The following IQSEC1 variants were observed in gnomAD, a reference collection of about 807,000 sequenced individuals.
IQSEC1 encodes IQ motif and Sec7 domain ArfGEF 1.
Under a neutral mutation model 91.0 loss-of-function variants are expected in IQSEC1, and 31 were observed. The ratio of observed to expected loss-of-function variants is 0.34; its 90% CI spans 0.26 to 0.46. IQSEC1 has a LOEUF of 0.46. IQSEC1 is among the 20% of genes least tolerant of loss of function. The pLI, the probability that IQSEC1 is intolerant of heterozygous loss-of-function variation, is 1.00. For missense variants in IQSEC1, 1,388 were observed against 1,575.6 expected (o/e 0.88, Z 2.02); for synonymous variants, 699 against 662.6 (o/e 1.05, Z -0.84).
At chr3:13,107,755 C>T (rs1157513707) in intron 2 of IQSEC1, among the ~76,000 whole-genome samples, 2 of 152,260 alleles carry the variant, frequency 1.3e-5, no homozygotes, top group African/African-American at 2.4e-5. Context: ...GCCCCTGGGC[C>T]GCTGGGTCTC....
chr3:13,071,560 G>A (rs569023080), intron 1 of IQSEC1, among the ~76,000 whole-genome samples: 7 of 152,304 alleles, frequency 4.6e-5, no homozygotes, highest in Non-Finnish European at 8.8e-5. Context: ...TCCACGCTGG[G>A]AAAGGATTTA....
Position 12,908,238 on chromosome 3 carries a change from A to C in IQSEC1, c.2755+111T>G, listed in dbSNP as rs575008786. Reference sequence around the variant, plus strand: ...TGCGGAAGGTCAGGGGAAATGCCGCACTGGCTTCGCCGCAGGCCCTGCCCC... The same window carrying C: ...TGCGGAAGGTCAGGGGAAATGCCGCCCTGGCTTCGCCGCAGGCCCTGCCCC... On this transcript the variant is annotated intron_variant, in intron 12 of 13. Coordinates refer to ENST00000613206, the MANE Select transcript of IQSEC1 (RefSeq NM_001134382.3). The surrounding 1 kb of genome is among the most constrained non-coding windows in gnomAD (Gnocchi z 4.9). The C allele has an allele frequency of 3.4e-5, 39 of 1,154,286 alleles. No homozygotes were observed. In the Admixed American group the frequency reaches 7.5e-4, roughly 22 times the overall value. The allele number at this position is 1,154,286 out of a possible 1,614,324, so 71.5% of individuals were successfully genotyped here.
chr3:13,254,361 G>A (rs1302727439), intron 1 of IQSEC1, among the ~76,000 whole-genome samples: 5 of 152,178 alleles, frequency 3.3e-5, no homozygotes, highest in South Asian at 2.1e-4. Flanking sequence ...CCACAAGGGC[G>A]CCATGAACAC....
rs939508230 is a variant in IQSEC1 at position 12,983,221 on chromosome 3, C to T, written c.24-41356G>A. 2.6e-5 allele frequency among the ~76,000 whole-genome samples: 4 copies of T among 152,260 alleles called. No individual in the cohort carries two copies. Among genetic ancestry groups the T allele is most frequent in the Non-Finnish European group, 5.9e-5 (4 of 68,044 alleles). On this transcript the variant is annotated intron_variant, in intron 1 of 13. Transcript: ENST00000613206. This position sits in a 1 kb window ranked among gnomAD's most constrained non-coding sequence, Gnocchi z 4.3. ...AGCTCCAGCACCTAAGCCCCATCCTCTGCAAACAGGGGTTTCACCCAACCT... is the reference window on the plus strand; with the variant it reads ...AGCTCCAGCACCTAAGCCCCATCCTTTGCAAACAGGGGTTTCACCCAACCT...
At chr3:12,942,254 C>T (rs1024345194) in intron 1 of IQSEC1, among the ~76,000 whole-genome samples, 7 of 152,306 alleles carry the variant, frequency 4.6e-5, no homozygotes, top group Middle Eastern at 3.4e-3. Context: ...ACTGACTCAG[C>T]GAATTCTGTC....
chr3:13,239,647 T>C (rs1253846117), intron 1 of IQSEC1, among the ~76,000 whole-genome samples: 3 of 152,192 alleles, frequency 2.0e-5, no homozygotes, highest in Admixed American at 6.5e-5. Context: ...CCCCACTTAC[T>C]GAGGACAAAC....
chr3:13,220,888 TCTATTGACAGCTACCAGCCACCGGGC>T (rs1288234168), intron 1 of IQSEC1, among the ~76,000 whole-genome samples: 3 of 152,180 alleles, frequency 2.0e-5, no homozygotes, highest in Non-Finnish European at 4.4e-5. Context: ...AACTCCTGTT[TCTATTGACAGCTACCAGCCACCGGGC>T]CACTTCACAG....
chr3:12,955,793 G>A (rs2125447696), intron 1 of IQSEC1, among the ~76,000 whole-genome samples: 1 of 152,326 alleles, frequency 6.6e-6, no homozygotes. Context: ...TTGCCCCTGG[G>A]AGAGTTGGTC....
chr3:12,988,487 GA>G (rs1329046201), intron 1 of IQSEC1, among the ~76,000 whole-genome samples: 2 of 152,170 alleles, frequency 1.3e-5, no homozygotes, highest in East Asian at 3.8e-4. Flanking sequence ...TTGCATAGGT[GA>G]ATCTCGCAGA....
intron 1 of IQSEC1, among the ~76,000 whole-genome samples, chr3:13,248,174 C>T (rs996890258): frequency 6.6e-6 from 1 of 152,242 alleles, no homozygotes; most frequent in Admixed American, 6.5e-5. Flanking sequence ...AACCTGGGCT[C>T]TTTCCAAGTG....
At chr3:13,212,057 T>C (rs1694458149) in intron 1 of IQSEC1, among the ~76,000 whole-genome samples, 1 of 152,192 alleles carries the variant, frequency 6.6e-6, no homozygotes, top group Non-Finnish European at 1.5e-5. Context: ...CTCTGTCCCA[T>C]TGTGTGCTGT....
At chr3:13,015,446 A>T in intron 1 of IQSEC1, 1 of 485,622 alleles carries the variant, frequency 2.1e-6, no homozygotes, top group Non-Finnish European at 2.7e-6. Context: ...TACAGCTCTG[A>T]GAAACAGTGA....
At chr3:13,068,284 A>C (rs360862) in intron 1 of IQSEC1, among the ~76,000 whole-genome samples, 111,029 of 152,210 alleles carry the variant, frequency 0.73, 40,657 homozygotes, top group East Asian at 0.86. Flanking sequence ...AGCAGACGCT[A>C]CTTGTTGCCC....
At chr3:12,951,919 C>A (rs772614277) in intron 1 of IQSEC1, among the ~76,000 whole-genome samples, 21 of 152,148 alleles carry the variant, frequency 1.4e-4, no homozygotes, top group Non-Finnish European at 2.1e-4. Context: ...CCAGACGCTG[C>A]CAAGGTCTGG....
chr3:13,198,681 T>C (rs1470009889), intron 1 of IQSEC1, among the ~76,000 whole-genome samples: 1 of 152,194 alleles, frequency 6.6e-6, no homozygotes, highest in Non-Finnish European at 1.5e-5. Flanking sequence ...CTGCGTCCTC[T>C]TACACACCAT....
intron 13 of IQSEC1, among the ~76,000 whole-genome samples, chr3:12,902,194 G>T (rs1448847310): frequency 6.6e-6 from 1 of 152,160 alleles, no homozygotes; most frequent in African/African-American, 2.4e-5. Flanking sequence ...GATGGCCGGA[G>T]GATGAGTGAA....
intron 1 of IQSEC1, among the ~76,000 whole-genome samples, chr3:13,009,657 GTA>G (rs1356237950): frequency 1.7e-5 from 2 of 117,954 alleles, no homozygotes; most frequent in East Asian, 4.2e-4. Context: ...TAGTATGTTT[GTA>G]TATATATATG....
rs1576297639 is a variant in IQSEC1, at chr3:13,214,551, G to A, written c.273-50418C>T. Among the ~76,000 whole-genome samples the A allele has an allele frequency of 3.9e-5, 6 of 152,374 alleles. No individual in the cohort carries two copies. The South Asian group carries it at 8.3e-4, about 21-fold the overall frequency. On this transcript the variant is annotated intron_variant, in intron 1 of 15. Coordinates refer to the IQSEC1 transcript ENST00000648114. The surrounding 1 kb of genome is among the most constrained non-coding windows in gnomAD (Gnocchi z 4.5). ...CCATTGCACGTGGGTGCAGCCTGGG[G>A]CCTCTCACTGCCAGGTGGACGAACC... is the stretch of plus-strand genomic sequence containing the variant.
intron 1 of IQSEC1, among the ~76,000 whole-genome samples, chr3:13,201,212 C>T (rs529155397): frequency 1.3e-5 from 2 of 152,340 alleles, no homozygotes; most frequent in Non-Finnish European, 2.9e-5. Flanking sequence ...GTGACCGGAG[C>T]TCAGACTCCA....
Sources: gnomAD v4.1 joint callset for allele counts (sites outside exome capture counted in the v4.1 genomes callset) on GRCh38, gnomAD v4.1.1 for gene constraint, Gnocchi (gnomAD v3.1) non-coding constraint, MANE v1.5 for transcripts, NCBI Gene and HGNC (gene_info 2026-07-23, HGNC 2026-07-21) for gene names.